Variants in LIPE observed in about 807,000 individuals in gnomAD.
LIPE encodes the protein lipase E, hormone sensitive type.
In LIPE, 66 loss-of-function variants were observed where a neutral mutation model predicts 88.5. That is an observed-to-expected ratio of 0.75 (90% CI 0.61 to 0.91). The LOEUF is 0.91. LIPE is among the 40% of genes least tolerant of loss of function. LIPE has a pLI of 0.00. For missense variants in LIPE, 1,346 were observed against 1,434.7 expected, an observed-to-expected ratio of 0.94 and a Z score of 1.00; for synonymous variants, 570 against 617.5, an observed-to-expected ratio of 0.92 and a Z score of 1.14.
chr19:42,407,656 G>A lies in LIPE; in HGVS notation c.1792C>T (p.Pro598Ser), dbSNP rs1264261643. 6.2e-7 allele frequency: 1 copy of A among 1,610,190 alleles called. No homozygotes were observed. The highest frequency in any genetic ancestry group is 1.1e-5 in the South Asian group (1 of 90,556). The stretch of plus-strand genomic sequence containing the variant: ...ATGAGCCTGACGAGGACGGGCCCAG[G>A]GCCTGTGTGGGCCAGTGGGGGTGAG... The part of the protein sequence containing the change: ...TISPPLAHTG[P>S]GPVLVRLISY... The change falls in exon 5 of 10, where the codon CCT becomes TCT. Residue 598 changes from proline (P) to serine (S), a missense_variant. By Grantham distance (74) the Pro-to-Ser change is moderately conservative. Coordinates refer to ENST00000244289, the MANE Select transcript of LIPE (RefSeq NM_005357.4). The surrounding 1 kb of genome is among the most constrained non-coding windows in gnomAD (Gnocchi z 5.8).
chr19:42,407,876 C>T lies in LIPE; in HGVS notation c.1657-85G>A. 1 of 1,557,570 alleles carries T rather than the reference C, an allele frequency of 6.4e-7. No homozygotes were observed. The highest frequency in any genetic ancestry group is 1.2e-5 in the South Asian group (1 of 84,166). ...CTCTCCCTCTGATCCCCAGTCTTTC[C>T]CCTTGTGTGCCATCCCTGGGCCTGG... On this transcript the variant is annotated intron_variant, in intron 4 of 9. Coordinates refer to ENST00000244289, the MANE Select transcript of LIPE (RefSeq NM_005357.4). This position sits in a 1 kb window ranked among gnomAD's most constrained non-coding sequence, Gnocchi z 5.8.
At chr19:42,420,466 T>TTATG (rs1372810294) in intron 1 of LIPE, among the ~76,000 whole-genome samples, 1 of 152,128 alleles carries the variant, frequency 6.6e-6, no homozygotes, top group Non-Finnish European at 1.5e-5. Context: ...GCGTGTTTGT[T>TTATG]TATGTATGAA....
intron 7 of LIPE, 59 bp from the exon 8 acceptor site, chr19:42,405,620 C>A: frequency 6.6e-7 from 1 of 1,522,218 alleles, no homozygotes; most frequent in Non-Finnish European, 9.0e-7. Flanking sequence ...AGTTTTAACG[C>A]CCAGAACTTC....
At chr19:42,409,400 C>CA (rs760628566) in intron 2 of LIPE, among the ~76,000 whole-genome samples, 20,577 of 73,218 alleles carry the variant, frequency 0.28, 1,774 homozygotes, top group Admixed American at 0.31. Context: ...AAACAAAATA[C>CA]AAAAAAAAAA....
intron 1 of LIPE, 23 bp downstream of exon 1, chr19:42,426,244 A>G (rs1307930092): frequency 6.3e-7 from 1 of 1,579,310 alleles, no homozygotes; most frequent in Non-Finnish European, 8.6e-7. Context: ...GAGAGGCTTC[A>G]ATTCCTCCAG....
intron 2 of LIPE, among the ~76,000 whole-genome samples, chr19:42,409,483 G>T (rs537281124): frequency 6.6e-6 from 1 of 151,974 alleles, no homozygotes; most frequent in Non-Finnish European, 1.5e-5. Flanking sequence ...AGGGATTGGC[G>T]GGTTCTTCTG....
chr19:42,421,638 G>C (rs570495629), intron 1 of LIPE, among the ~76,000 whole-genome samples: 3 of 152,158 alleles, frequency 2.0e-5, no homozygotes, highest in Admixed American at 6.5e-5. Context: ...TCCCTGCCCC[G>C]AGGAGGCTGA....
chr19:42,404,802 G>A (rs2040116407), intron 8 of LIPE, among the ~76,000 whole-genome samples: 1 of 152,204 alleles, frequency 6.6e-6, no homozygotes, highest in Non-Finnish European at 1.5e-5. Flanking sequence ...GCACCTACTG[G>A]GTGCCATATA....
At chr19:42,416,635 T>C (rs530767242) in intron 1 of LIPE, among the ~76,000 whole-genome samples, 2 of 152,336 alleles carry the variant, frequency 1.3e-5, no homozygotes, top group South Asian at 4.1e-4. Flanking sequence ...CCAGAAATTC[T>C]AGGGCCCTCA....
chr19:42,407,732 G>A lies in LIPE; in HGVS notation c.1716C>T (p.Pro572=), dbSNP rs748747670. The change falls in exon 5 of 10, where the codon CCC becomes CCT. Residue 572 remains proline, a synonymous_variant. Transcript: ENST00000244289. This position sits in a 1 kb window ranked among gnomAD's most constrained non-coding sequence, Gnocchi z 5.8. ...CAGTCAGTGGCATCTCAAAGGCTTC[G>A]GGTGGCAGGCTGAGCAGGCGGCTTA... The part of the protein sequence containing the change: ...VRVSRLLSLP[P]EAFEMPLTAD... The A allele has an allele frequency of 7.0e-6, 11 of 1,569,454 alleles. No homozygotes were observed. Among genetic ancestry groups the A allele is most frequent in the South Asian group, 1.2e-5 (1 of 83,278 alleles).
intron 1 of LIPE, among the ~76,000 whole-genome samples, chr19:42,418,540 G>A (rs545793010): frequency 6.6e-6 from 1 of 152,140 alleles, no homozygotes; most frequent in African/African-American, 2.4e-5. Context: ...GGGGCCAGGC[G>A]TGGTAGCTCA....
At chr19:42,419,831 C>CA (rs1198601602) in intron 1 of LIPE, among the ~76,000 whole-genome samples, 3 of 151,886 alleles carry the variant, frequency 2.0e-5, no homozygotes, top group Non-Finnish European at 2.9e-5. Context: ...AGAGTGTGTG[C>CA]ATAAAAGAGC....
chr19:42,405,779 G>A lies in LIPE; in HGVS notation c.2366-218C>T, dbSNP rs575870150. On this transcript the variant is annotated intron_variant, in intron 7 of 9. Coordinates refer to ENST00000244289, the MANE Select transcript of LIPE (RefSeq NM_005357.4). ...GAGCCCAGGAGTTCAAGACCAGCCTGGGCAACATAGCGAAAAACACAAAAA... is the reference window on the plus strand; with the variant it reads ...GAGCCCAGGAGTTCAAGACCAGCCTAGGCAACATAGCGAAAAACACAAAAA... 7 of 573,352 alleles carry A rather than the reference G, an allele frequency of 1.2e-5. No homozygotes were observed. In the East Asian group the frequency reaches 2.0e-4, roughly 17 times the overall value. 35.5% of individuals were successfully genotyped at this position (573,352 alleles called of 1,614,324 possible). A position where few individuals can be genotyped will look rare whatever the true frequency, so the allele number is the denominator to read the frequency against.
chr19:42,418,938 GC>G (rs1187143464), intron 1 of LIPE, among the ~76,000 whole-genome samples: 1 of 152,066 alleles, frequency 6.6e-6, no homozygotes, highest in Non-Finnish European at 1.5e-5. Flanking sequence ...GTGCACTGCC[GC>G]CCCTTGGTAA....
In LIPE at chr19:42,414,982, A is replaced by G. The variant is rs966589533; in HGVS notation, c.884-4140T>C. ...CACGGTGGCTAATGCCTGTAATCCCAGCACTTTGGGAGGCTGAGGCAGGTG... is the reference window on the plus strand; with the variant it reads ...CACGGTGGCTAATGCCTGTAATCCCGGCACTTTGGGAGGCTGAGGCAGGTG... On this transcript the variant is annotated intron_variant, in intron 1 of 9. Transcript: ENST00000244289. This position sits in a 1 kb window ranked among gnomAD's most constrained non-coding sequence, Gnocchi z 4.6. 2.0e-5 allele frequency among the ~76,000 whole-genome samples: 3 copies of G among 152,218 alleles called. No individual in the cohort carries two copies. The highest frequency in any genetic ancestry group is 7.2e-5 in the African/African-American group (3 of 41,450).
intron 1 of LIPE, among the ~76,000 whole-genome samples, chr19:42,419,788 T>A (rs2040559787): frequency 6.6e-6 from 1 of 152,050 alleles, no homozygotes. Flanking sequence ...TGGAATCAGA[T>A]GCAGGTGGGG....
At chr19:42,425,410 G>A (rs1014991224) in intron 1 of LIPE, among the ~76,000 whole-genome samples, 2 of 152,102 alleles carry the variant, frequency 1.3e-5, no homozygotes, top group African/African-American at 4.8e-5. Context: ...CTGGTCCAGG[G>A]GAGAAAGACC....
Position 42,426,676 on chromosome 19 carries a change from C to A in LIPE, c.474G>T (p.Ala158=). 6.2e-7 allele frequency: 1 copy of A among 1,614,158 alleles called. No homozygotes were observed. Among genetic ancestry groups the A allele is most frequent in the South Asian group, 1.1e-5 (1 of 91,072 alleles). The change falls in exon 1 of 10, where the codon GCG becomes GCT. Residue 158 remains alanine (A), a synonymous_variant. Coordinates refer to ENST00000244289, the MANE Select transcript of LIPE (RefSeq NM_005357.4). ...TTTTGGCTCCAGGTTTAGCCTGGGC[C>A]GCAGGTGTTGATTCAGCTTCTTGTT... ...PAQQEAESTP[A]AQAKPGAKRE...
intron 1 of LIPE, chr19:42,411,249 C>G: frequency 1.1e-6 from 1 of 950,338 alleles, no homozygotes; most frequent in Non-Finnish European, 1.3e-6. Context: ...CACGACTCTG[C>G]TTCCCTAACT....
Sources: gnomAD v4.1 joint callset for allele counts (sites outside exome capture counted in the v4.1 genomes callset) on GRCh38, gnomAD v4.1.1 for gene constraint, Gnocchi (gnomAD v3.1) non-coding constraint, MANE v1.5 for transcripts, NCBI Gene and HGNC (gene_info 2026-07-23, HGNC 2026-07-21) for gene names.